The following GPBP1 variants were observed in gnomAD, a reference collection of about 807,000 sequenced individuals.
GPBP1 encodes vasculin.
A neutral mutation model predicts 56.5 loss-of-function variants in GPBP1; 13 were observed. That is an observed-to-expected ratio of 0.23 (90% CI 0.15 to 0.37). The LOEUF (loss-of-function observed/expected upper bound fraction) is 0.37, where lower values mean the gene tolerates loss of function less well. Ranked by LOEUF, GPBP1 falls within the 10% of genes least tolerant of loss-of-function variation. GPBP1 has a pLI of 1.00. For synonymous variants in GPBP1, 204 were observed against 188.9 expected, an observed-to-expected ratio of 1.08 and a Z score of -0.66; for missense variants, 477 against 572.3, an observed-to-expected ratio of 0.83 and a Z score of 1.70.
At position 57,230,924 on chromosome 5, in the gene GPBP1, A is replaced by G. The variant is rs745630357; in HGVS notation, c.142A>G (p.Asn48Asp). The G allele has an allele frequency of 6.2e-7, 1 of 1,612,596 alleles. No individual in the cohort carries two copies. Among genetic ancestry groups the G allele is most frequent in the South Asian group, 1.1e-5 (1 of 90,418 alleles). Residue 48 changes from asparagine (N) to aspartate (D), a missense_variant, in exon 4 of 12, where the codon AAC (asparagine) becomes GAC (aspartate). This residue lies in a region of GPBP1 where 414 missense variants were observed against 458.2 expected (regional missense o/e 0.90). Transcript: ENST00000506184. Reference sequence around the variant, plus strand: ...TTATGATGTGAACCGTCGACGACACAACTCTTCAGATGGCTTTGATTCTGC... The same window carrying G: ...TTATGATGTGAACCGTCGACGACACGACTCTTCAGATGGCTTTGATTCTGC... ...NRYDVNRRRH[N>D]SSDGFDSAIG...
At chr5:57,225,377 C>T (rs1304257439) in intron 3 of GPBP1, among the ~76,000 whole-genome samples, 1 of 151,582 alleles carries the variant, frequency 6.6e-6, no homozygotes, top group Admixed American at 6.6e-5. Flanking sequence ...GCCTGTAGTC[C>T]CAGCTACTCG....
At chr5:57,220,232 C>A (rs541418126) in intron 3 of GPBP1, among the ~76,000 whole-genome samples, 3 of 151,538 alleles carry the variant, frequency 2.0e-5, no homozygotes, top group African/African-American at 7.3e-5. Flanking sequence ...TCAGGAGATG[C>A]TTCTGCCTTG....
At chr5:57,175,395 T>G (rs1431343436) in intron 1 of GPBP1, 53 bp from the exon 2 acceptor site, 2 of 397,848 alleles carry the variant, frequency 5.0e-6, no homozygotes, top group African/African-American at 4.1e-5. Flanking sequence ...GGGATTGATT[T>G]TTTTAGCTCA....
At chr5:57,230,801 A>G (rs1304137508) in intron 3 of GPBP1, 45 bp from the exon 4 acceptor site, 1 of 1,519,592 alleles carries the variant, frequency 6.6e-7, no homozygotes, top group African/African-American at 1.4e-5. Context: ...TTTTAAAGTT[A>G]TATTTAGGTT....
intron 2 of GPBP1, among the ~76,000 whole-genome samples, chr5:57,205,628 C>T (rs942121180): frequency 5.4e-5 from 8 of 148,314 alleles, no homozygotes; most frequent in Non-Finnish European, 8.9e-5. Context: ...CTAGTGGGAG[C>T]GAAGTAGTAT....
chr5:57,192,804 G>A (rs960706249), intron 2 of GPBP1, among the ~76,000 whole-genome samples: 4 of 151,258 alleles, frequency 2.6e-5, no homozygotes, highest in African/African-American at 9.7e-5. Context: ...CTATTACGAA[G>A]GCTAATGTTT....
chr5:57,193,159 A>T (rs1754600019), intron 2 of GPBP1, among the ~76,000 whole-genome samples: 2 of 152,228 alleles, frequency 1.3e-5, no homozygotes, highest in Middle Eastern at 3.4e-3. Context: ...TCGACTAAAA[A>T]TACAAAAATT....
intron 10 of GPBP1, among the ~76,000 whole-genome samples, chr5:57,256,723 A>G (rs1741679515): frequency 6.6e-6 from 1 of 152,248 alleles, no homozygotes; most frequent in Admixed American, 6.5e-5. Context: ...AAAAGATCCT[A>G]AGACAAGTAA....
intron 11 of GPBP1, among the ~76,000 whole-genome samples, chr5:57,261,727 G>A (rs889127347): frequency 6.6e-6 from 1 of 152,120 alleles, no homozygotes; most frequent in African/African-American, 2.4e-5. Context: ...AGTGTTAGTA[G>A]CTTCCTAAGT....
chr5:57,198,722 G>T (rs941209904), intron 2 of GPBP1, among the ~76,000 whole-genome samples: 45 of 152,058 alleles, frequency 3.0e-4, no homozygotes, highest in African/African-American at 9.9e-4. Context: ...GGTGGCGCGT[G>T]CCTGTAATCC....
chr5:57,214,266 G>T, intron 3 of GPBP1, 73 bp downstream of exon 3: 2 of 1,240,102 alleles, frequency 1.6e-6, no homozygotes, highest in Non-Finnish European at 2.4e-6. Context: ...ATTAAGTCAT[G>T]GAGGAGTAAT....
At chr5:57,229,639 A>G (rs1012683629) in intron 3 of GPBP1, among the ~76,000 whole-genome samples, 2 of 151,832 alleles carry the variant, frequency 1.3e-5, no homozygotes, top group Admixed American at 1.3e-4. Context: ...GGTTCAGGCA[A>G]TTCTCCTGTC....
intron 8 of GPBP1, chr5:57,249,147 A>G (rs1741241947): frequency 9.5e-6 from 3 of 314,262 alleles, no homozygotes; most frequent in South Asian, 6.7e-5. Context: ...TCTAGGATGC[A>G]TTTATAAAAT....
chr5:57,235,413 C>T (rs911063301), intron 5 of GPBP1, among the ~76,000 whole-genome samples: 14 of 142,926 alleles, frequency 9.8e-5, no homozygotes, highest in Non-Finnish European at 1.9e-4. Flanking sequence ...TTTTTCTTTT[C>T]TTTTTTTTTT....
chr5:57,260,937 C>A (rs918958638), intron 10 of GPBP1, among the ~76,000 whole-genome samples: 5 of 152,136 alleles, frequency 3.3e-5, no homozygotes, highest in African/African-American at 1.2e-4. Flanking sequence ...CCTGAAGAGC[C>A]TTTGACACCA....
intron 10 of GPBP1, among the ~76,000 whole-genome samples, chr5:57,253,739 T>C (rs1408050239): frequency 6.6e-6 from 1 of 152,134 alleles, no homozygotes; most frequent in Non-Finnish European, 1.5e-5. Context: ...TAATAGTTTA[T>C]ATTTCTCCTG....
chr5:57,188,705 T>C (rs1415000317), intron 2 of GPBP1, among the ~76,000 whole-genome samples: 1 of 152,172 alleles, frequency 6.6e-6, no homozygotes, highest in African/African-American at 2.4e-5. Flanking sequence ...ATCGTGGCAC[T>C]GCACTCCAGC....
intron 8 of GPBP1, among the ~76,000 whole-genome samples, chr5:57,248,419 A>ATTTTTTTTT (rs70999069): frequency 1.0e-5 from 1 of 99,352 alleles, no homozygotes; most frequent in African/African-American, 4.5e-5. Context: ...CTCATATACT[A>ATTTTTTTTT]TTTTTTTTTT....
intron 2 of GPBP1, among the ~76,000 whole-genome samples, chr5:57,186,614 A>G (rs1460674603): frequency 6.6e-6 from 1 of 152,112 alleles, no homozygotes. Context: ...TCTGTCACCC[A>G]GGCTGGAGTG....
Sources: allele counts gnomAD v4.1 joint callset (sites outside exome capture counted in the v4.1 genomes callset), GRCh38; gene constraint gnomAD v4.1.1; regional missense constraint gnomAD v4.1.1; transcripts MANE v1.5; gene names NCBI Gene and HGNC (gene_info 2026-07-23, HGNC 2026-07-21).